ABLIM1: variants seen among roughly 807,000 people sequenced by gnomAD.
ABLIM1 encodes actin binding LIM protein 1.
A neutral mutation model predicts 107.0 loss-of-function variants in ABLIM1; 40 were observed. The ratio of observed to expected loss-of-function variants is 0.37; its 90% CI spans 0.29 to 0.49. The LOEUF (loss-of-function observed/expected upper bound fraction) is 0.49, where lower values mean the gene tolerates loss of function less well. ABLIM1 is among the 20% of genes least tolerant of loss of function. The pLI, the probability that ABLIM1 is intolerant of heterozygous loss-of-function variation, is 0.97. For missense variants in ABLIM1, 857 were observed against 1,008.5 expected (o/e 0.85, Z 2.04); for synonymous variants, 357 against 357.3 (o/e 1.00, Z 0.01).
At chr10:114,454,417 G>C (rs748705658) in intron 12 of ABLIM1, among the ~76,000 whole-genome samples, 1 of 152,190 alleles carries the variant, frequency 6.6e-6, no homozygotes, top group African/African-American at 2.4e-5. Context: ...CCAGGTGAGA[G>C]GGTAGGTGAA....
chr10:114,455,166 A>T (rs1246867583), intron 12 of ABLIM1, among the ~76,000 whole-genome samples: 5 of 132,378 alleles, frequency 3.8e-5, no homozygotes, highest in African/African-American at 1.4e-4. Context: ...AAGTAACCAG[A>T]GTACAGATCT....
chr10:114,550,066 T>C (rs909990067), intron 4 of ABLIM1, among the ~76,000 whole-genome samples: 3 of 152,224 alleles, frequency 2.0e-5, no homozygotes, highest in African/African-American at 7.2e-5. Context: ...TGACTATTTA[T>C]AAAATTTAAA....
At chr10:114,755,687 C>T (rs1429770878) in intron 1 of ABLIM1, among the ~76,000 whole-genome samples, 2 of 152,148 alleles carry the variant, frequency 1.3e-5, no homozygotes, top group Admixed American at 6.5e-5. Flanking sequence ...AATTATCTGC[C>T]AAGCTTTCTG....
At chr10:114,677,014 G>A (rs2080516929) in intron 1 of ABLIM1, among the ~76,000 whole-genome samples, 1 of 152,150 alleles carries the variant, frequency 6.6e-6, no homozygotes, top group African/African-American at 2.4e-5. Flanking sequence ...TGGGATTACA[G>A]GCATGAGCCA....
At chr10:114,506,175 G>A (rs2061109521) in intron 6 of ABLIM1, among the ~76,000 whole-genome samples, 2 of 152,172 alleles carry the variant, frequency 1.3e-5, no homozygotes, top group Non-Finnish European at 2.9e-5. Context: ...CATCCATGTT[G>A]TTGCGAAGGA....
Position 114,658,237 on chromosome 10 carries a change from TG to T in ABLIM1, c.-38del. 6.3e-7 allele frequency: 1 copy of T among 1,580,210 alleles called. No individual in the cohort carries two copies. The highest frequency in any genetic ancestry group is 8.6e-7 in the Non-Finnish European group (1 of 1,159,344). On this transcript the variant is annotated 5_prime_UTR_variant, in exon 1 of 23. Coordinates refer to ENST00000533213, the MANE Select transcript of ABLIM1 (RefSeq NM_002313.7). ...TTTCCAAGCAATGAGAAATGGGGAG[TG>T]GGGACCCAAGGAGCGGTGCTGCCCC...
chr10:114,573,150 T>C (rs1054341226), intron 3 of ABLIM1, among the ~76,000 whole-genome samples: 2 of 152,208 alleles, frequency 1.3e-5, no homozygotes, highest in African/African-American at 4.8e-5. Context: ...CTGCCCATAC[T>C]GGATAACTTC....
At chr10:114,598,836 A>AT (rs879701124) in intron 2 of ABLIM1, among the ~76,000 whole-genome samples, 33 of 149,690 alleles carry the variant, frequency 2.2e-4, no homozygotes, top group African/African-American at 6.1e-4. Flanking sequence ...AGTGGCTTGC[A>AT]TTTTTTTTTT....
intron 7 of ABLIM1, among the ~76,000 whole-genome samples, chr10:114,490,258 G>A (rs778660507): frequency 1.3e-5 from 2 of 152,176 alleles, no homozygotes; most frequent in South Asian, 4.1e-4. Flanking sequence ...GCCTTCATAA[G>A]GCCTTTCAAA....
chr10:114,462,948 C>A (rs988237051), intron 12 of ABLIM1: 50 of 1,250,902 alleles, frequency 4.0e-5, no homozygotes, highest in Middle Eastern at 2.9e-4. Context: ...CTCAAAAGCT[C>A]GGCACTAACT....
At chr10:114,547,403 G>A (rs534206339) in intron 5 of ABLIM1, 1 of 515,180 alleles carries the variant, frequency 1.9e-6, no homozygotes, top group South Asian at 2.5e-5. Context: ...ATGACATACA[G>A]TGTAACAGTG....
chr10:114,574,064 A>C (rs1173768868), intron 3 of ABLIM1, among the ~76,000 whole-genome samples: 6 of 152,190 alleles, frequency 3.9e-5, no homozygotes, highest in East Asian at 3.8e-4. Flanking sequence ...TTTGTGTCTT[A>C]TTATGATTTA....
chr10:114,439,276 T>C, intron 20 of ABLIM1, 26 bp from the exon 21 acceptor site: 1 of 1,613,876 alleles, frequency 6.2e-7, no homozygotes, highest in Non-Finnish European at 8.5e-7. Context: ...CAGTTCCAGG[T>C]GAGGCATGAA....
intron 1 of ABLIM1, among the ~76,000 whole-genome samples, chr10:114,734,539 C>T (rs1255424408): frequency 6.6e-6 from 1 of 152,114 alleles, no homozygotes; most frequent in African/African-American, 2.4e-5. Flanking sequence ...TCCTCCTTCT[C>T]TGGAAGGCCC....
rs2059246988 is a variant in ABLIM1 at position 114,435,169 on chromosome 10, G to A, written c.*1091C>T. ...GGCCAAATTAAATACGTTCGAAGGA[G>A]TCTACTTTGGAGTTGCAGAGATTTA... is the stretch of plus-strand genomic sequence containing the variant. On this transcript the variant is annotated 3_prime_UTR_variant, in exon 23 of 23. Coordinates refer to ENST00000533213, the MANE Select transcript of ABLIM1 (RefSeq NM_002313.7). The A allele has an allele frequency of 6.6e-6, 1 of 152,234 alleles. No individual in the cohort carries two copies. The highest frequency in any genetic ancestry group is 2.1e-4 in the South Asian group (1 of 4,830). The allele number at this position is 152,234 out of a possible 1,614,324, so 9.4% of individuals were successfully genotyped here.
At position 114,547,679 on chromosome 10, in the gene ABLIM1, C is replaced by T. The variant is rs745562718; in HGVS notation, c.771G>A (p.Gly257=). Residue 257 remains glycine, a synonymous_variant, in exon 5 of 23, where the codon GGG becomes GGA. Transcript: ENST00000533213. ...TGATGTACTCCCCGGTGAGGACCTT[C>T]CCGCAGGACTTGCATTTAAAGCACC... ...HLGCFKCKSC[G]KVLTGEYISK... is the part of the protein sequence containing the mutation. 5 of 1,613,816 alleles carry T rather than the reference C, an allele frequency of 3.1e-6. No individual in the cohort carries two copies. The highest frequency in any genetic ancestry group is 4.2e-6 in the Non-Finnish European group (5 of 1,180,024).
chr10:114,701,533 T>C (rs184157373), intron 1 of ABLIM1, among the ~76,000 whole-genome samples: 248 of 152,252 alleles, frequency 1.6e-3, no homozygotes, highest in African/African-American at 5.4e-3. Context: ...ATCAATAGAA[T>C]GGATAATCAA....
intron 6 of ABLIM1, among the ~76,000 whole-genome samples, chr10:114,492,414 C>T (rs942635175): frequency 3.9e-5 from 6 of 152,166 alleles, no homozygotes; most frequent in African/African-American, 1.2e-4. Context: ...ATGCAGCTTG[C>T]AACAATCTTT....
chr10:114,800,209 A>T, the ABLIM1 span, among the ~76,000 whole-genome samples: 1 of 152,298 alleles, frequency 6.6e-6, no homozygotes, highest in South Asian at 2.1e-4. Flanking sequence ...GACAGTCTTA[A>T]TGGAGAGGAT....
Sources: gnomAD v4.1 joint callset for allele counts (sites outside exome capture counted in the v4.1 genomes callset) on GRCh38, gnomAD v4.1.1 for gene constraint, MANE v1.5 for transcripts, NCBI Gene and HGNC (gene_info 2026-07-23, HGNC 2026-07-21) for gene names.